The following ZNF827 variants were observed in gnomAD, a reference collection of about 807,000 sequenced individuals.
ZNF827 encodes zinc finger protein 827.
A neutral mutation model predicts 102.4 loss-of-function variants in ZNF827; 13 were observed. That is an observed-to-expected ratio of 0.13 (90% CI 0.08 to 0.20). The LOEUF is 0.20. ZNF827 is among the 10% of genes least tolerant of loss of function. The pLI is 1.00. For missense variants in ZNF827, 1,103 were observed against 1,344.4 expected, an observed-to-expected ratio of 0.82 and a Z score of 2.81; for synonymous variants, 523 against 536.2, an observed-to-expected ratio of 0.98 and a Z score of 0.34.
intron 8 of ZNF827, among the ~76,000 whole-genome samples, chr4:145,810,272 T>G (rs1741879527): frequency 6.6e-6 from 1 of 152,196 alleles, no homozygotes; most frequent in South Asian, 2.1e-4. Context: ...GGGAGCTTAC[T>G]GAAGGAAGAC....
chr4:145,798,243 CCTG>C (rs1298270451), intron 8 of ZNF827, among the ~76,000 whole-genome samples: 1 of 152,102 alleles, frequency 6.6e-6, no homozygotes, highest in African/African-American at 2.4e-5. Flanking sequence ...AAGATATTGC[CCTG>C]CTTTCAAAAT....
chr4:145,830,571 TTTTC>T (rs1271655466), intron 7 of ZNF827: 1 of 152,170 alleles, frequency 6.6e-6, no homozygotes, highest in East Asian at 1.9e-4. Flanking sequence ...CTTTTAGTGA[TTTTC>T]TTTTTCTCAA....
At chr4:145,828,866 G>A (rs114663122) in intron 7 of ZNF827, among the ~76,000 whole-genome samples, 2,009 of 152,174 alleles carry the variant, frequency 0.013, 49 homozygotes, top group African/African-American at 0.045. Flanking sequence ...GCTCTAAATA[G>A]TGATACATTT....
intron 7 of ZNF827, chr4:145,831,625 G>A (rs1212029623): frequency 6.6e-6 from 1 of 152,236 alleles, no homozygotes; most frequent in Non-Finnish European, 1.5e-5. Context: ...TGTGGCCAAT[G>A]AAACAGAAAC....
At chr4:145,837,570 T>C (rs1744979038) in intron 7 of ZNF827, among the ~76,000 whole-genome samples, 4 of 152,302 alleles carry the variant, frequency 2.6e-5, no homozygotes, top group Non-Finnish European at 5.9e-5. Flanking sequence ...TTGTTTACAC[T>C]GCCGGTTTAC....
At chr4:145,781,218 GAAAAAAAAAGAAAA>G (rs1737996805) in intron 8 of ZNF827, among the ~76,000 whole-genome samples, 10 of 70,852 alleles carry the variant, frequency 1.4e-4, no homozygotes, top group Admixed American at 3.4e-4. Flanking sequence ...AAAAAAAAAA[GAAAAAAAAAGAAAA>G]AAAAAAAAAG....
rs79059588 is a variant in ZNF827, at chr4:145,924,825, A to C, written c.43+13540T>G. 3.0e-3 allele frequency among the ~76,000 whole-genome samples: 460 copies of C among 152,310 alleles called. 19 individuals are homozygous for C. In the East Asian group the frequency reaches 0.078, roughly 26 times the overall value. On this transcript the variant is annotated intron_variant, in intron 1 of 14. Coordinates refer to ENST00000508784, the MANE Select transcript of ZNF827 (RefSeq NM_001306215.2). ...TCCTACTTCTTATCTTTACATTACT[A>C]ATATGGCCCCTCTGGTTCAATGAAG...
intron 6 of ZNF827, among the ~76,000 whole-genome samples, chr4:145,847,312 A>C (rs1746091266): frequency 6.6e-6 from 1 of 152,188 alleles, no homozygotes; most frequent in Admixed American, 6.5e-5. Flanking sequence ...AGAGACAGTT[A>C]TTTCCACTGT....
Position 145,902,868 on chromosome 4 carries a change from A to T in ZNF827, c.391T>A (p.Ser131Thr), listed in dbSNP as rs751569386. The T allele has an allele frequency of 1.2e-6, 2 of 1,614,130 alleles. No individual in the cohort carries two copies. Among genetic ancestry groups the T allele is most frequent in the Non-Finnish European group, 1.7e-6 (2 of 1,180,026 alleles). The change falls in exon 2 of 15, where the codon TCC (serine) becomes ACC (threonine). Residue 131 changes from serine to threonine, a missense_variant. Coordinates refer to ENST00000508784, the MANE Select transcript of ZNF827 (RefSeq NM_001306215.2). This position sits in a 1 kb window ranked among gnomAD's most constrained non-coding sequence, Gnocchi z 4.3. Reference protein sequence around the residue: ...SNLRRLLEAGSLKLDAAATAN... With the variant: ...SNLRRLLEAGTLKLDAAATAN... ...GTGGCTGCAGCATCGAGTTTGAGGG[A>T]ACCAGCCTCCAGCAGCCGCCTCAAA...
At chr4:145,930,041 C>A (rs1314305436) in intron 1 of ZNF827, among the ~76,000 whole-genome samples, 1 of 152,180 alleles carries the variant, frequency 6.6e-6, no homozygotes, top group Non-Finnish European at 1.5e-5. Flanking sequence ...GCACATGAAT[C>A]CTGTTTCTAC....
chr4:145,920,480 G>A (rs1477742452), intron 1 of ZNF827, among the ~76,000 whole-genome samples: 1 of 152,138 alleles, frequency 6.6e-6, no homozygotes, highest in African/African-American at 2.4e-5. Context: ...CTGCTCTTCT[G>A]GGCAAGTCTC....
chr4:145,827,992 G>A (rs1227836580), intron 7 of ZNF827, among the ~76,000 whole-genome samples: 2 of 152,212 alleles, frequency 1.3e-5, no homozygotes, highest in Admixed American at 6.5e-5. Context: ...GTAAGGGGTG[G>A]TGAGGCTGAC....
At chr4:145,924,242 A>G (rs1338563684) in intron 1 of ZNF827, among the ~76,000 whole-genome samples, 3 of 152,214 alleles carry the variant, frequency 2.0e-5, no homozygotes, top group African/African-American at 7.2e-5. Context: ...AAAACAATAA[A>G]CAGAGAATTT....
intron 5 of ZNF827, among the ~76,000 whole-genome samples, chr4:145,853,457 A>G (rs1746732620): frequency 6.6e-6 from 1 of 152,096 alleles, no homozygotes; most frequent in Admixed American, 6.6e-5. Context: ...TGGTGTGCCT[A>G]TAGTCTCAGC....
intron 8 of ZNF827, among the ~76,000 whole-genome samples, chr4:145,796,224 G>A (rs1740362758): frequency 6.6e-6 from 1 of 152,202 alleles, no homozygotes; most frequent in Non-Finnish European, 1.5e-5. Flanking sequence ...CTTGAAAGGA[G>A]GTTCTTCACT....
chr4:145,852,656 T>C (rs182766218), intron 5 of ZNF827, among the ~76,000 whole-genome samples: 2 of 152,326 alleles, frequency 1.3e-5, no homozygotes, highest in East Asian at 3.9e-4. Flanking sequence ...GGCTGGATAA[T>C]CTTTGTTGTG....
chr4:145,795,237 C>T (rs1031550928), intron 8 of ZNF827, among the ~76,000 whole-genome samples: 2 of 152,126 alleles, frequency 1.3e-5, no homozygotes, highest in Admixed American at 6.6e-5. Flanking sequence ...AATCTCTGCC[C>T]ACCGGGTTCA....
At chr4:145,917,422 AG>A (rs1319221513) in intron 1 of ZNF827, among the ~76,000 whole-genome samples, 2 of 152,146 alleles carry the variant, frequency 1.3e-5, no homozygotes, top group Non-Finnish European at 2.9e-5. Flanking sequence ...AGACAGAGAG[AG>A]CAAGAGAGGG....
rs1283006953 is a variant in ZNF827, at chr4:145,885,828, G to A, written c.1597C>T (p.Pro533Ser). The A allele has an allele frequency of 3.7e-6, 6 of 1,614,006 alleles. No individual in the cohort carries two copies. The highest frequency in any genetic ancestry group is 2.2e-5 in the East Asian group (1 of 44,882). Residue 533 changes from proline (P) to serine (S), a missense_variant, in exon 4 of 15, where the codon CCC becomes TCC. Physicochemically the swap from Pro to Ser is moderately conservative, Grantham distance 74 (BLOSUM62 -1). Around this residue, in one of 5 missense-constraint regions of ZNF827, gnomAD observed 157 missense variants for 211.7 expected, o/e 0.74. Transcript: ENST00000508784. Reference sequence around the variant, plus strand: ...GCAGCATTCAAAGTAAAGGAGGTGGGCAGGCCGTTATCTTCCTTGGGTTCC... The same window carrying A: ...GCAGCATTCAAAGTAAAGGAGGTGGACAGGCCGTTATCTTCCTTGGGTTCC... The part of the protein sequence containing the change: ...KEEPKEDNGL[P>S]TSFTLNAADR...
Sources: gnomAD v4.1 joint callset for allele counts (sites outside exome capture counted in the v4.1 genomes callset) on GRCh38, gnomAD v4.1.1 for gene constraint, gnomAD v4.1.1 regional missense constraint, Gnocchi (gnomAD v3.1) non-coding constraint, MANE v1.5 for transcripts, NCBI Gene and HGNC (gene_info 2026-07-23, HGNC 2026-07-21) for gene names.